The following EDIL3 variants were observed in gnomAD, a reference collection of about 807,000 sequenced individuals.
EDIL3 encodes EGF-like repeat and discoidin I-like domain-containing protein 3.
A neutral mutation model predicts 67.4 loss-of-function variants in EDIL3; 37 were observed. The ratio of observed to expected loss-of-function variants is 0.55; its 90% CI spans 0.42 to 0.72. EDIL3 has a LOEUF of 0.72. EDIL3 is among the 30% of genes least tolerant of loss of function. The probability of loss-of-function intolerance (pLI) is 0.00; values close to 1 mark genes in which losing one functional copy is unlikely to be tolerated. For missense variants in EDIL3, 527 were observed against 586.3 expected (o/e 0.90, Z 1.04); for synonymous variants, 195 against 196.3 (o/e 0.99, Z 0.05).
intron 9 of EDIL3, among the ~76,000 whole-genome samples, chr5:83,967,759 A>C (rs1744723566): frequency 6.6e-6 from 1 of 152,098 alleles, no homozygotes; most frequent in South Asian, 2.1e-4. Flanking sequence ...CTGGAAAATT[A>C]AGTTGATTTT....
At chr5:84,075,403 G>A (rs1201464225) in intron 6 of EDIL3, among the ~76,000 whole-genome samples, 2 of 152,072 alleles carry the variant, frequency 1.3e-5, no homozygotes, top group Non-Finnish European at 1.5e-5. Context: ...CACAGGTAAA[G>A]TTCACAGGAA....
Position 83,941,462 on chromosome 5 carries a change from CT to C in EDIL3, c.*1956del, listed in dbSNP as rs886980190. On this transcript the variant is annotated 3_prime_UTR_variant, in exon 11 of 11. Coordinates refer to ENST00000296591, the MANE Select transcript of EDIL3 (RefSeq NM_005711.5). Reference sequence around the variant, plus strand: ...TAAGTAATAATCTTAAAAATACACTCTTAAGAAGGTATGTAATTTGCAAAGG... The same window carrying C: ...TAAGTAATAATCTTAAAAATACACTCTAAGAAGGTATGTAATTTGCAAAGG... 19 of 152,072 alleles carry C rather than the reference CT, an allele frequency of 1.2e-4. No individual in the cohort carries two copies. The highest frequency in any genetic ancestry group is 4.6e-4 in the African/African-American group (19 of 41,540). 9.4% of individuals were successfully genotyped at this position (152,072 alleles called of 1,614,324 possible). A position where few individuals can be genotyped will look rare whatever the true frequency, so the allele number is the denominator to read the frequency against.
At chr5:84,301,279 G>GA (rs5869220) in intron 1 of EDIL3, among the ~76,000 whole-genome samples, 38,127 of 122,250 alleles carry the variant, frequency 0.31, 5,703 homozygotes, top group Non-Finnish European at 0.4. Context: ...AAAAAAAAAA[G>GA]AAAAAAAAAA....
At chr5:83,949,592 C>A (rs1278561999) in intron 10 of EDIL3, among the ~76,000 whole-genome samples, 1 of 151,790 alleles carries the variant, frequency 6.6e-6, no homozygotes, top group Non-Finnish European at 1.5e-5. Context: ...CTTGAGTTTG[C>A]TTGTGTGTAC....
intron 1 of EDIL3, among the ~76,000 whole-genome samples, chr5:84,309,925 C>A (rs1276795820): frequency 6.6e-6 from 1 of 152,158 alleles, no homozygotes; most frequent in Non-Finnish European, 1.5e-5. Context: ...ACACTGACTT[C>A]CACAATGGTT....
chr5:84,268,167 C>T (rs1386885657), intron 1 of EDIL3, among the ~76,000 whole-genome samples: 1 of 150,182 alleles, frequency 6.7e-6, no homozygotes, highest in Admixed American at 6.6e-5. Context: ...AAATAAATAA[C>T]AATAATAATT....
chr5:84,181,590 C>T (rs764077096), intron 3 of EDIL3, among the ~76,000 whole-genome samples: 2 of 152,180 alleles, frequency 1.3e-5, no homozygotes, highest in Non-Finnish European at 2.9e-5. Context: ...CCTATCTACT[C>T]TTGCTCTCTC....
At chr5:83,970,942 A>G (rs1035266748) in intron 9 of EDIL3, among the ~76,000 whole-genome samples, 5 of 151,348 alleles carry the variant, frequency 3.3e-5, no homozygotes, top group Admixed American at 1.3e-4. Context: ...ATATTTTAAA[A>G]TATTGCTTCT....
intron 9 of EDIL3, among the ~76,000 whole-genome samples, chr5:84,054,674 C>A (rs1304885521): frequency 1.3e-5 from 2 of 152,008 alleles, no homozygotes; most frequent in Non-Finnish European, 2.9e-5. Context: ...AACAGACAAA[C>A]AGAGAGCCAA....
At chr5:84,040,302 G>A (rs1158952918) in intron 9 of EDIL3, among the ~76,000 whole-genome samples, 1 of 151,928 alleles carries the variant, frequency 6.6e-6, no homozygotes, top group African/African-American at 2.4e-5. Flanking sequence ...TTTACCCAAG[G>A]CCTCTTTAAC....
chr5:83,968,487 G>A (rs1206371088), intron 9 of EDIL3, among the ~76,000 whole-genome samples: 3 of 151,940 alleles, frequency 2.0e-5, no homozygotes, highest in South Asian at 2.1e-4. Context: ...AAAGGATGAA[G>A]TTTTCTGTTG....
intron 6 of EDIL3, among the ~76,000 whole-genome samples, chr5:84,074,505 A>T (rs1746812122): frequency 6.6e-6 from 1 of 152,308 alleles, no homozygotes; most frequent in East Asian, 1.9e-4. Context: ...TTTACAAGAA[A>T]AAAACAAATA....
At chr5:84,322,949 A>G (rs960778603) in intron 1 of EDIL3, among the ~76,000 whole-genome samples, 1 of 151,974 alleles carries the variant, frequency 6.6e-6, no homozygotes, top group Non-Finnish European at 1.5e-5. Flanking sequence ...TCAATCAAGA[A>G]TCCTGTATCC....
chr5:84,263,248 T>C (rs573058218), intron 1 of EDIL3, among the ~76,000 whole-genome samples: 2 of 152,254 alleles, frequency 1.3e-5, no homozygotes, highest in South Asian at 2.1e-4. Flanking sequence ...GCAAGTGACC[T>C]TCCATTAGAG....
At chr5:84,334,223 G>A (rs546123394) in intron 1 of EDIL3, among the ~76,000 whole-genome samples, 13 of 151,866 alleles carry the variant, frequency 8.6e-5, no homozygotes, top group Middle Eastern at 6.8e-3. Context: ...CACCACACGC[G>A]CCTAATTTTT....
At chr5:84,041,661 T>C (rs11954071) in intron 9 of EDIL3, among the ~76,000 whole-genome samples, 50 of 145,400 alleles carry the variant, frequency 3.4e-4, no homozygotes, top group African/African-American at 1.2e-3. Flanking sequence ...TACTTATATG[T>C]ATATACTTAT....
At chr5:84,205,542 T>C (rs1028060236) in intron 3 of EDIL3, among the ~76,000 whole-genome samples, 4 of 152,202 alleles carry the variant, frequency 2.6e-5, no homozygotes, top group African/African-American at 9.6e-5. Context: ...CATCTGGTCC[T>C]GGACTCTTTT....
At chr5:84,334,913 T>C (rs1414232269) in intron 1 of EDIL3, among the ~76,000 whole-genome samples, 1 of 152,210 alleles carries the variant, frequency 6.6e-6, no homozygotes, top group Non-Finnish European at 1.5e-5. Context: ...TCTTAAATCC[T>C]TTACTATTTT....
At chr5:84,213,102 C>T (rs964054024) in intron 3 of EDIL3, among the ~76,000 whole-genome samples, 2 of 151,516 alleles carry the variant, frequency 1.3e-5, no homozygotes, top group Non-Finnish European at 2.9e-5. Flanking sequence ...TTTAAAAGTA[C>T]GACAACTTGC....
Sources: allele counts gnomAD v4.1 joint callset (sites outside exome capture counted in the v4.1 genomes callset), GRCh38; gene constraint gnomAD v4.1.1; transcripts MANE v1.5; gene names NCBI Gene and HGNC (gene_info 2026-07-23, HGNC 2026-07-21).